The following PDS5B variants were observed in gnomAD, a reference collection of about 807,000 sequenced individuals.
PDS5B encodes the protein PDS5 cohesin associated factor B, also known as sister chromatid cohesion protein PDS5 homolog B.
Under a neutral mutation model 184.1 loss-of-function variants are expected in PDS5B, and 51 were observed. The observed-to-expected ratio is 0.28, with a 90% CI of 0.22 to 0.35. The LOEUF is 0.35. PDS5B is among the 10% of genes least tolerant of loss of function. PDS5B has a pLI of 1.00. For synonymous variants in PDS5B, 566 were observed against 569.2 expected, an observed-to-expected ratio of 0.99 and a Z score of 0.08; for missense variants, 1,180 against 1,723.3, an observed-to-expected ratio of 0.68 and a Z score of 5.58.
intron 34 of PDS5B, among the ~76,000 whole-genome samples, chr13:32,774,680 G>A (rs1031799280): frequency 6.6e-6 from 1 of 152,138 alleles, no homozygotes. Flanking sequence ...ATTTACCACA[G>A]GAAACATAAG....
At chr13:32,772,269 T>C (rs1954814755) in intron 33 of PDS5B, among the ~76,000 whole-genome samples, 1 of 152,156 alleles carries the variant, frequency 6.6e-6, no homozygotes, top group Non-Finnish European at 1.5e-5. Flanking sequence ...TCAAGAGGGA[T>C]CCATTTGATT....
intron 1 of PDS5B, among the ~76,000 whole-genome samples, chr13:32,594,030 A>G (rs1436616521): frequency 6.6e-6 from 1 of 152,228 alleles, no homozygotes; most frequent in Non-Finnish European, 1.5e-5. Flanking sequence ...GAAGTGATGG[A>G]TATGTTAATT....
At chr13:32,682,346 C>G (rs1201464301) in intron 10 of PDS5B, among the ~76,000 whole-genome samples, 2 of 152,038 alleles carry the variant, frequency 1.3e-5, no homozygotes, top group East Asian at 3.9e-4. Flanking sequence ...TTAGTTTTGC[C>G]TGTTTCTGAA....
chr13:32,687,862 C>G (rs1951440164), intron 12 of PDS5B, among the ~76,000 whole-genome samples: 1 of 151,924 alleles, frequency 6.6e-6, no homozygotes, highest in African/African-American at 2.4e-5. Flanking sequence ...TTGCCTGTAG[C>G]AGATCAGAAT....
chr13:32,723,032 C>T (rs554130325), intron 19 of PDS5B, among the ~76,000 whole-genome samples: 4 of 152,264 alleles, frequency 2.6e-5, no homozygotes, highest in Admixed American at 2.6e-4. Flanking sequence ...CAGGGATATT[C>T]ATGGTATTGT....
chr13:32,679,372 G>A (rs1209024992), intron 10 of PDS5B, among the ~76,000 whole-genome samples: 1 of 152,166 alleles, frequency 6.6e-6, no homozygotes, highest in Non-Finnish European at 1.5e-5. Flanking sequence ...GAACTATGCT[G>A]TAGAAATTCT....
chr13:32,643,773 G>A (rs1420793576), intron 1 of PDS5B, among the ~76,000 whole-genome samples: 1 of 152,054 alleles, frequency 6.6e-6, no homozygotes, highest in Non-Finnish European at 1.5e-5. Context: ...TTCCATTTAG[G>A]TTTGTGTAAG....
intron 19 of PDS5B, among the ~76,000 whole-genome samples, chr13:32,713,903 G>A (rs1593488566): frequency 6.6e-6 from 1 of 152,164 alleles, no homozygotes; most frequent in Middle Eastern, 3.2e-3. Context: ...CGGGGAACCT[G>A]CCCCGATAAT....
At chr13:32,667,056 G>A (rs1330747555) in intron 6 of PDS5B, among the ~76,000 whole-genome samples, 1 of 152,034 alleles carries the variant, frequency 6.6e-6, no homozygotes, top group Non-Finnish European at 1.5e-5. Context: ...ATTAAGGCAG[G>A]TAAATCTAAA....
At chr13:32,739,117 G>T (rs1398720855) in intron 21 of PDS5B, among the ~76,000 whole-genome samples, 1 of 150,384 alleles carries the variant, frequency 6.6e-6, no homozygotes, top group Non-Finnish European at 1.5e-5. Context: ...AACTTTGAAG[G>T]TTTTCTTTTT....
intron 1 of PDS5B, among the ~76,000 whole-genome samples, chr13:32,591,224 G>C (rs997860158): frequency 2.6e-5 from 4 of 152,068 alleles, no homozygotes; most frequent in African/African-American, 9.7e-5. Flanking sequence ...CACCTCCTGG[G>C]TTCAAGTGAT....
chr13:32,767,426 A>G (rs149595865), intron 31 of PDS5B, among the ~76,000 whole-genome samples: 17 of 152,270 alleles, frequency 1.1e-4, no homozygotes, highest in Middle Eastern at 3.4e-3. Flanking sequence ...TATTTTTGTA[A>G]TCTTAGAAAA....
In PDS5B at chr13:32,735,313, C is replaced by G; in HGVS notation, c.2389C>G (p.Leu797Val). The G allele has an allele frequency of 6.2e-7, 1 of 1,610,450 alleles. No individual in the cohort carries two copies. The highest frequency in any genetic ancestry group is 2.2e-5 in the East Asian group (1 of 44,740). Residue 797 changes from leucine (L) to valine (V), a missense_variant, in exon 21 of 35, where the codon CTT (leucine) becomes GTT (valine). Around this residue, in one of 11 missense-constraint regions of PDS5B, gnomAD observed 475 missense variants for 691.5 expected, o/e 0.69. Coordinates refer to ENST00000315596, the MANE Select transcript of PDS5B (RefSeq NM_015032.4). ...GGTAGCTACTTTCATTGTGAAAGAT[C>G]TTCTCATGAATGATCGGGTAATTTA... ...SLVATFIVKD[L>V]LMNDRLPGKK...
intron 22 of PDS5B, among the ~76,000 whole-genome samples, 193 bp downstream of exon 22, chr13:32,741,341 T>C (rs1267813011): frequency 6.6e-6 from 1 of 152,130 alleles, no homozygotes; most frequent in Non-Finnish European, 1.5e-5. Context: ...CAGCTGCACA[T>C]AATCTAATTT....
intron 7 of PDS5B, among the ~76,000 whole-genome samples, chr13:32,670,159 T>C (rs1446109579): frequency 1.3e-5 from 2 of 152,180 alleles, no homozygotes; most frequent in African/African-American, 4.8e-5. Context: ...ATAGTATTTC[T>C]TACATATCAA....
intron 19 of PDS5B, among the ~76,000 whole-genome samples, chr13:32,712,042 G>A (rs1362114314): frequency 1.3e-5 from 2 of 152,152 alleles, no homozygotes; most frequent in Admixed American, 6.5e-5. Context: ...CCTATGGTGC[G>A]ATATCCATTA....
At position 32,702,136 on chromosome 13, in the gene PDS5B, A is replaced by G. The variant is rs1260804982; in HGVS notation, c.1856+698A>G. On this transcript the variant is annotated intron_variant, in intron 17 of 34. Transcript: ENST00000315596. ...TAGTGTTCTTTGAGGGGTATATATTATAATCTAAAATAAATAATACTAATG... is the reference window on the plus strand; with the variant it reads ...TAGTGTTCTTTGAGGGGTATATATTGTAATCTAAAATAAATAATACTAATG... Among the ~76,000 whole-genome samples the G allele has an allele frequency of 5.3e-5, 8 of 152,174 alleles. No individual in the cohort carries two copies. The East Asian group carries it at 1.3e-3, about 26-fold the overall frequency.
intron 31 of PDS5B, 41 bp from the exon 32 acceptor site, chr13:32,770,080 C>A: frequency 3.9e-6 from 6 of 1,536,846 alleles, no homozygotes; most frequent in African/African-American, 1.4e-5. Flanking sequence ...TGTATACTCA[C>A]AATTTCATAA....
rs188659997 is a variant in PDS5B at position 32,703,786 on chromosome 13, G to T, written c.1856+2348G>T. ...TTTCAATATTTGTCATTTTATAGGT[G>T]AATGAAGAGATGTACCCTTTAAAAA... On this transcript the variant is annotated intron_variant, in intron 17 of 34. Transcript: ENST00000315596. Among the ~76,000 whole-genome samples, 25 of 152,270 alleles carry T rather than the reference G, an allele frequency of 1.6e-4. No homozygotes were observed. In the East Asian group the frequency reaches 4.8e-3, roughly 29 times the overall value.
Sources: allele counts gnomAD v4.1 joint callset (sites outside exome capture counted in the v4.1 genomes callset), GRCh38; gene constraint gnomAD v4.1.1; regional missense constraint gnomAD v4.1.1; transcripts MANE v1.5; gene names NCBI Gene and HGNC (gene_info 2026-07-23, HGNC 2026-07-21).